The following GPR158 variants were observed in gnomAD, a reference collection of about 807,000 sequenced individuals.
GPR158 encodes the protein G protein-coupled receptor 158, also known as metabotropic glycine receptor.
Under a neutral mutation model 78.2 loss-of-function variants are expected in GPR158, and 30 were observed. The observed-to-expected ratio is 0.38, with a 90% CI of 0.29 to 0.52. GPR158 has a LOEUF of 0.52. GPR158 is among the 20% of genes least tolerant of loss of function. The probability of loss-of-function intolerance (pLI) is 0.83; values close to 1 mark genes in which losing one functional copy is unlikely to be tolerated. For missense variants in GPR158, 1,463 were observed against 1,523.5 expected (o/e 0.96, Z 0.66); for synonymous variants, 581 against 591.1 (o/e 0.98, Z 0.25).
At chr10:25,377,151 T>G (rs1297361719) in intron 2 of GPR158, among the ~76,000 whole-genome samples, 2 of 151,730 alleles carry the variant, frequency 1.3e-5, no homozygotes, top group Admixed American at 1.3e-4. Flanking sequence ...CCCCTCTGGC[T>G]CTCCAATTAT....
At chr10:25,310,824 A>AT (rs1225468554) in intron 2 of GPR158, among the ~76,000 whole-genome samples, 4 of 151,888 alleles carry the variant, frequency 2.6e-5, no homozygotes, top group Non-Finnish European at 5.9e-5. Flanking sequence ...ATTTATTAAT[A>AT]TTTTTTCTAT....
rs140638790 is a variant in GPR158, at chr10:25,598,004, C to G, written c.2378C>G (p.Pro793Arg). ...KGTALIRKNPPESSGNTGKSK... is the reference protein window; with the variant it reads ...KGTALIRKNPRESSGNTGKSK... The stretch of plus-strand genomic sequence containing the variant: ...ACTGCCCTCATCAGGAAGAACCCCC[C>G]AGAGTCTTCAGGGAACACAGGGAAA... The change falls in exon 11 of 11, where the codon CCA becomes CGA. Residue 793 changes from proline (P) to arginine (R), a missense_variant. Coordinates refer to ENST00000376351, the MANE Select transcript of GPR158 (RefSeq NM_020752.3). 3.3e-4 allele frequency: 525 copies of G among 1,614,116 alleles called. 8 individuals are homozygous for G. In the East Asian group the frequency reaches 8.6e-3, roughly 26 times the overall value.
intron 2 of GPR158, among the ~76,000 whole-genome samples, chr10:25,354,930 A>T (rs920379515): frequency 6.6e-6 from 1 of 152,066 alleles, no homozygotes; most frequent in African/African-American, 2.4e-5. Flanking sequence ...GTTGCCAGAC[A>T]TATTGGAACT....
chr10:25,298,399 TG>T (rs1361033555), intron 2 of GPR158, among the ~76,000 whole-genome samples: 3 of 152,206 alleles, frequency 2.0e-5, no homozygotes, highest in African/African-American at 7.2e-5. Flanking sequence ...TTATAACCAA[TG>T]GGTTTTGCCT....
At chr10:25,596,568 T>C (rs1837410338) in intron 9 of GPR158, 75 bp from the exon 10 acceptor site, 1 of 818,126 alleles carries the variant, frequency 1.2e-6, no homozygotes. Context: ...TAGATATAGG[T>C]ATAGATATAG....
intron 7 of GPR158, among the ~76,000 whole-genome samples, chr10:25,585,576 TC>T (rs1329182770): frequency 6.6e-6 from 1 of 152,222 alleles, no homozygotes; most frequent in African/African-American, 2.4e-5. Flanking sequence ...AAATAGGACT[TC>T]AACTGGACAT....
chr10:25,325,603 A>G (rs1384190456), intron 2 of GPR158, among the ~76,000 whole-genome samples: 2 of 152,116 alleles, frequency 1.3e-5, no homozygotes, highest in Non-Finnish European at 2.9e-5. Context: ...CAGCATACTG[A>G]TTTAATTTTC....
At chr10:25,361,295 T>A (rs964469045) in intron 2 of GPR158, among the ~76,000 whole-genome samples, 2 of 151,950 alleles carry the variant, frequency 1.3e-5, no homozygotes, top group African/African-American at 4.8e-5. Context: ...AATAATATTT[T>A]ATTGTTTCTA....
At chr10:25,417,048 T>G (rs1834672933) in intron 4 of GPR158, among the ~76,000 whole-genome samples, 1 of 152,054 alleles carries the variant, frequency 6.6e-6, no homozygotes, top group Non-Finnish European at 1.5e-5. Context: ...AAATAAGTCA[T>G]AGTAGCCATA....
Position 25,394,981 on chromosome 10 carries a change from A to G in GPR158, c.1009-930A>G, listed in dbSNP as rs1298892706. Among the ~76,000 whole-genome samples, 4 of 152,162 alleles carry G rather than the reference A, an allele frequency of 2.6e-5. No homozygotes were observed. The East Asian group carries it at 7.7e-4, about 29-fold the overall frequency. On this transcript the variant is annotated intron_variant, in intron 2 of 10. Coordinates refer to ENST00000376351, the MANE Select transcript of GPR158 (RefSeq NM_020752.3). ...AATAGATTATAGTGGTAAAAAGGCA[A>G]TGTGTTGGAATCATGGTAGAACAAT...
intron 9 of GPR158, among the ~76,000 whole-genome samples, chr10:25,596,059 A>G (rs1039105401): frequency 2.6e-5 from 4 of 152,202 alleles, no homozygotes; most frequent in Non-Finnish European, 5.9e-5. Flanking sequence ...TAAGGTAAGT[A>G]TTTTAAATAG....
chr10:25,354,854 T>A (rs1015816864), intron 2 of GPR158, among the ~76,000 whole-genome samples: 3 of 152,106 alleles, frequency 2.0e-5, no homozygotes, highest in Admixed American at 6.6e-5. Flanking sequence ...GCAGTTGTTT[T>A]CTTTCATCAC....
chr10:25,360,668 T>C (rs1007856638), intron 2 of GPR158, among the ~76,000 whole-genome samples: 2 of 152,120 alleles, frequency 1.3e-5, no homozygotes, highest in Non-Finnish European at 2.9e-5. Context: ...TGTAGCCTTG[T>C]AGTATTGTTT....
At chr10:25,551,108 C>T (rs768842875) in intron 6 of GPR158, 23 bp downstream of exon 6, 3 of 1,266,860 alleles carry the variant, frequency 2.4e-6, no homozygotes, top group East Asian at 4.6e-5. Context: ...TATTCATCGT[C>T]ATTCTCATGG....
At chr10:25,522,761 G>A (rs961880168) in intron 5 of GPR158, among the ~76,000 whole-genome samples, 2 of 152,130 alleles carry the variant, frequency 1.3e-5, no homozygotes, top group Non-Finnish European at 2.9e-5. Context: ...TTTAGTGCTT[G>A]CCTCTAGAGA....
chr10:25,333,213 G>C (rs895738878), intron 2 of GPR158, among the ~76,000 whole-genome samples: 2 of 152,112 alleles, frequency 1.3e-5, no homozygotes, highest in Middle Eastern at 3.2e-3. Context: ...AACAAAACAA[G>C]AGGCTTAGTA....
chr10:25,225,658 G>A (rs1853363073), intron 2 of GPR158, among the ~76,000 whole-genome samples: 1 of 152,060 alleles, frequency 6.6e-6, no homozygotes, highest in African/African-American at 2.4e-5. Flanking sequence ...TGTTTATTCT[G>A]CTTTGGAGAC....
intron 2 of GPR158, among the ~76,000 whole-genome samples, chr10:25,281,432 G>A (rs1465863632): frequency 6.9e-6 from 1 of 145,792 alleles, no homozygotes; most frequent in African/African-American, 2.5e-5. Flanking sequence ...AAAAAAAATA[G>A]CTGGGCATGG....
chr10:25,498,765 G>A (rs1030360818), intron 5 of GPR158, among the ~76,000 whole-genome samples: 6 of 152,190 alleles, frequency 3.9e-5, no homozygotes, highest in Non-Finnish European at 7.3e-5. Context: ...ATGTAGGGCT[G>A]TGTGGGAGGT....
Sources: gnomAD v4.1 joint callset for allele counts (sites outside exome capture counted in the v4.1 genomes callset) on GRCh38, gnomAD v4.1.1 for gene constraint, MANE v1.5 for transcripts, NCBI Gene and HGNC (gene_info 2026-07-23, HGNC 2026-07-21) for gene names.